TSNARE1: variants seen among roughly 807,000 people sequenced by gnomAD.
The protein encoded by TSNARE1 is t-SNARE domain-containing protein 1.
A neutral mutation model predicts 62.0 loss-of-function variants in TSNARE1; 49 were observed. The observed-to-expected ratio is 0.79, with a 90% CI of 0.63 to 1.00. The LOEUF (loss-of-function observed/expected upper bound fraction) is 1.00. TSNARE1 is among the 50% of genes least tolerant of loss of function. The probability of loss-of-function intolerance (pLI) is 0.00; values close to 1 mark genes in which losing one functional copy is unlikely to be tolerated. For synonymous variants in TSNARE1, 328 were observed against 294.4 expected (o/e 1.11, Z -1.17); for missense variants, 755 against 700.1 (o/e 1.08, Z -0.88).
intron 13 of TSNARE1, among the ~76,000 whole-genome samples, chr8:142,216,469 G>T (rs1815842854): frequency 6.6e-6 from 1 of 152,308 alleles, no homozygotes; most frequent in Admixed American, 6.5e-5. Context: ...CCCAAGAGGG[G>T]TCTCCAGGAA....
At chr8:142,389,346 T>C (rs961080590) in intron 1 of TSNARE1, among the ~76,000 whole-genome samples, 3 of 152,224 alleles carry the variant, frequency 2.0e-5, no homozygotes, top group African/African-American at 7.2e-5. Flanking sequence ...GCAATGATTT[T>C]TTTAATATGA....
chr8:142,328,190 G>T (rs1830528523), intron 6 of TSNARE1, among the ~76,000 whole-genome samples: 1 of 151,938 alleles, frequency 6.6e-6, no homozygotes, highest in Non-Finnish European at 1.5e-5. Flanking sequence ...CTTCCTTCAA[G>T]CCTCCTTGCT....
chr8:142,300,776 C>G, intron 9 of TSNARE1, 132 bp from the exon 10 acceptor site: 1 of 1,194,310 alleles, frequency 8.4e-7, no homozygotes, highest in Non-Finnish European at 1.2e-6. Context: ...CGATCTGGGT[C>G]TGAGGCGGGG....
At chr8:142,382,156 T>A (rs1035697474) in intron 1 of TSNARE1, among the ~76,000 whole-genome samples, 1 of 152,034 alleles carries the variant, frequency 6.6e-6, no homozygotes, top group Non-Finnish European at 1.5e-5. Flanking sequence ...TGTGTGCTCA[T>A]GTGTGCGACA....
At chr8:142,221,505 T>C (rs557755735) in intron 13 of TSNARE1, among the ~76,000 whole-genome samples, 3 of 152,246 alleles carry the variant, frequency 2.0e-5, no homozygotes, top group African/African-American at 4.8e-5. Flanking sequence ...TTATGAAAAA[T>C]ACTTGATTGA....
intron 12 of TSNARE1, among the ~76,000 whole-genome samples, chr8:142,251,881 T>G (rs1439623722): frequency 0.061 from 3,019 of 49,362 alleles, no homozygotes; most frequent in Middle Eastern, 0.18. Flanking sequence ...TTCTCTGTCT[T>G]CAGGGCCCGG....
intron 1 of TSNARE1, among the ~76,000 whole-genome samples, chr8:142,385,646 G>C (rs991502653): frequency 6.6e-6 from 1 of 152,160 alleles, no homozygotes; most frequent in African/African-American, 2.4e-5. Flanking sequence ...TGACATTTCA[G>C]TAACAGAAAT....
chr8:142,273,992 C>T, intron 12 of TSNARE1: 1 of 985,270 alleles, frequency 1.0e-6, no homozygotes. Flanking sequence ...TGCCCCTGCT[C>T]CGCCCTCAAG....
chr8:142,291,723 C>G lies in TSNARE1; in HGVS notation c.1291-7238G>C, dbSNP rs7817381. ...AACCCAACAGTGTGTGGGGGGCGAG[C>G]GTGGGAGCGGCAGGGGTTAGAGGAC... is the stretch of plus-strand genomic sequence containing the variant. On this transcript the variant is annotated intron_variant, in intron 10 of 13. Coordinates refer to ENST00000524325, the MANE Select transcript of TSNARE1 (RefSeq NM_145003.5). This position sits in a 1 kb window ranked among gnomAD's most constrained non-coding sequence, Gnocchi z 4.8. 0.24 allele frequency among the ~76,000 whole-genome samples: 36,390 copies of G among 152,044 alleles called. 4,919 individuals are homozygous for G. The highest frequency in any genetic ancestry group is 0.36 in the African/African-American group (14,866 of 41,490).
chr8:142,385,422 T>C (rs1837047976), intron 1 of TSNARE1, among the ~76,000 whole-genome samples: 1 of 152,202 alleles, frequency 6.6e-6, no homozygotes, highest in South Asian at 2.1e-4. Context: ...CGACTGTCAA[T>C]GAGCATGAAC....
Position 142,300,576 on chromosome 8 carries a change from C to T in TSNARE1, c.1200G>A (p.Trp400Ter). 1 of 1,613,504 alleles carries T rather than the reference C, an allele frequency of 6.2e-7. No individual in the cohort carries two copies. The highest frequency in any genetic ancestry group is 8.5e-7 in the Non-Finnish European group (1 of 1,180,012). The change falls in exon 10 of 14, where the codon TGG becomes TGA. Residue 400 changes from tryptophan (W) to a stop codon, truncating the protein, a stop_gained. Transcript: ENST00000524325. LOFTEE classifies it high-confidence loss of function. ...EKVFNGSDNM[W>*]QGQEQALLPD... Reference sequence around the variant, plus strand: ...GGAGCAGCGCCTGCTCCTGGCCCTGCCACATGTTGTCACTCCCGTTAAAGA... The same window carrying T: ...GGAGCAGCGCCTGCTCCTGGCCCTGTCACATGTTGTCACTCCCGTTAAAGA...
At chr8:142,244,197 G>A (rs184576453) in intron 12 of TSNARE1, among the ~76,000 whole-genome samples, 70 of 152,318 alleles carry the variant, frequency 4.6e-4, no homozygotes, top group Non-Finnish European at 5.9e-4. Flanking sequence ...AAACTGTCAT[G>A]ATTGGTAATA....
intron 4 of TSNARE1, among the ~76,000 whole-genome samples, chr8:142,341,495 G>A (rs992458777): frequency 5.9e-5 from 9 of 152,188 alleles, no homozygotes; most frequent in Admixed American, 1.3e-4. Flanking sequence ...AAGGGGCCCC[G>A]GGGCCTGACC....
intron 9 of TSNARE1, among the ~76,000 whole-genome samples, chr8:142,305,003 G>T (rs1055584930): frequency 1.3e-5 from 2 of 152,208 alleles, no homozygotes; most frequent in African/African-American, 4.8e-5. Flanking sequence ...GAGGTCCCCG[G>T]GGCAGCCCGG....
At chr8:142,326,452 CCAGCGAAGGGGAGGGCCCCGGAGGGCAT>C (rs1830281076) in intron 6 of TSNARE1, among the ~76,000 whole-genome samples, 2 of 109,878 alleles carry the variant, frequency 1.8e-5, no homozygotes, top group Non-Finnish European at 3.6e-5. Flanking sequence ...CGAACCAGCA[CCAGCGAAGGGGAGGGCCCCGGAGGGCAT>C]GAGACAGATG....
intron 9 of TSNARE1, among the ~76,000 whole-genome samples, chr8:142,302,497 G>C (rs564572223): frequency 7.6e-4 from 115 of 152,240 alleles, no homozygotes; most frequent in African/African-American, 2.5e-3. Context: ...TCTCAGGATG[G>C]GGGCTGCCCA....
chr8:142,301,311 C>A (rs1825724292), intron 9 of TSNARE1, among the ~76,000 whole-genome samples: 1 of 115,408 alleles, frequency 8.7e-6, no homozygotes, highest in Non-Finnish European at 1.8e-5. Context: ...CCCATGCCAG[C>A]GGGCCTTCCT....
chr8:142,343,754 G>C (rs1208830726), intron 4 of TSNARE1, among the ~76,000 whole-genome samples: 16 of 46,508 alleles, frequency 3.4e-4, no homozygotes, highest in Admixed American at 2.0e-3. Context: ...GATGGGGAGT[G>C]GGGGGAGGAG....
In TSNARE1 at chr8:142,326,658, G is replaced by A. The variant is rs543932531; in HGVS notation, c.893+4243C>T. On this transcript the variant is annotated intron_variant, in intron 6 of 13. Transcript: ENST00000524325. The stretch of plus-strand genomic sequence containing the variant: ...AGACGGATGAGGAACCAGCACCAGC[G>A]AAGGGGAGGGCCCCAGAGAGCACGA... Among the ~76,000 whole-genome samples the A allele has an allele frequency of 5.9e-4, 87 of 147,734 alleles. 2 individuals carry two copies. In the South Asian group the frequency reaches 0.014, roughly 24 times the overall value.
Sources: allele counts gnomAD v4.1 joint callset (sites outside exome capture counted in the v4.1 genomes callset), GRCh38; gene constraint gnomAD v4.1.1; non-coding constraint Gnocchi (gnomAD v3.1); transcripts MANE v1.5; gene names NCBI Gene and HGNC (gene_info 2026-07-23, HGNC 2026-07-21).